Variants in HEPHL1 observed in about 807,000 individuals in gnomAD.
HEPHL1 encodes the protein ferroxidase HEPHL1.
A neutral mutation model predicts 122.0 loss-of-function variants in HEPHL1; 123 were observed. The ratio of observed to expected loss-of-function variants is 1.01; its 90% CI spans 0.87 to 1.17. HEPHL1 has a LOEUF of 1.17. Among genes scored for constraint, HEPHL1 ranks in the 50% most tolerant of loss-of-function variants. The pLI, the probability that HEPHL1 is intolerant of heterozygous loss-of-function variation, is 0.00. For synonymous variants in HEPHL1, 527 were observed against 508.9 expected (o/e 1.04, Z -0.48); for missense variants, 1,452 against 1,430.5 (o/e 1.01, Z -0.24).
At position 94,029,399 on chromosome 11, in the gene HEPHL1, C is replaced by A. The variant is rs367996388; in HGVS notation, c.170+7861C>A. On this transcript the variant is annotated intron_variant, in intron 1 of 19. Coordinates refer to ENST00000315765, the MANE Select transcript of HEPHL1 (RefSeq NM_001098672.2). ...TCCACTCACAGCCAATTTGCCAGAA[C>A]ACTATGGCCCATCTAACTTGCAAAA... 1.1e-4 allele frequency among the ~76,000 whole-genome samples: 16 copies of A among 152,198 alleles called. No individual in the cohort carries two copies. In the East Asian group the frequency reaches 2.3e-3, roughly 22 times the overall value.
intron 1 of HEPHL1, among the ~76,000 whole-genome samples, chr11:94,042,967 G>A (rs367868956): frequency 1.3e-5 from 2 of 150,780 alleles, no homozygotes; most frequent in South Asian, 2.1e-4. Flanking sequence ...CTTTGGGAAA[G>A]GCTGGGATAG....
intron 13 of HEPHL1, 103 bp downstream of exon 13, chr11:94,093,743 C>T: frequency 3.0e-6 from 4 of 1,320,382 alleles, no homozygotes; most frequent in Non-Finnish European, 4.1e-6. Context: ...ATAGAAGAAA[C>T]AGAGTAGCTT....
Position 94,075,297 on chromosome 11 carries a change from C to T in HEPHL1, c.1628C>T (p.Ala543Val), listed in dbSNP as rs752727506. The change falls in exon 9 of 20, where the codon GCA becomes GTA. Residue 543 changes from alanine (A) to valine (V), a missense_variant. Transcript: ENST00000315765. ...PPCLTYLYFS[A>V]VDPIKDTSSG... ...TGTCTGACCTATCTTTACTTCTCAG[C>T]AGTTGATCCAATTAAGGACACCAGC... 33 of 1,613,436 alleles carry T rather than the reference C, an allele frequency of 2.0e-5. No homozygotes were observed. The highest frequency in any genetic ancestry group is 2.7e-5 in the Non-Finnish European group (32 of 1,179,656).
chr11:94,091,225 T>TG (rs1946261987), intron 12 of HEPHL1, among the ~76,000 whole-genome samples: 1 of 152,182 alleles, frequency 6.6e-6, no homozygotes, highest in East Asian at 1.9e-4. Context: ...TCAGCATCTC[T>TG]TGCACCATTC....
chr11:94,100,472 C>G (rs559117614), intron 13 of HEPHL1, among the ~76,000 whole-genome samples: 2 of 152,338 alleles, frequency 1.3e-5, no homozygotes, highest in South Asian at 4.1e-4. Flanking sequence ...GGCACCCAGC[C>G]TGGTTGCTTC....
At chr11:94,101,442 C>A in intron 14 of HEPHL1, 107 bp downstream of exon 14, 1 of 1,087,070 alleles carries the variant, frequency 9.2e-7, no homozygotes, top group Non-Finnish European at 1.3e-6. Context: ...CAATGTGTTT[C>A]AGCCATCATC....
At chr11:94,109,517 A>T (rs764880358) in intron 17 of HEPHL1, among the ~76,000 whole-genome samples, 1 of 151,852 alleles carries the variant, frequency 6.6e-6, no homozygotes, top group Middle Eastern at 3.2e-3. Flanking sequence ...AGGTTGAGGA[A>T]ATTTCCTTCT....
At position 94,112,625 on chromosome 11, in the gene HEPHL1, A is replaced by G. The variant is rs372624323; in HGVS notation, c.*731A>G. ...GTTTTTACAATATGTTTCTGTGGCA[A>G]TGTTTGTACTTTCAAAAATCAAGTA... is the stretch of plus-strand genomic sequence containing the variant. On this transcript the variant is annotated 3_prime_UTR_variant, in exon 20 of 20. Coordinates refer to ENST00000315765, the MANE Select transcript of HEPHL1 (RefSeq NM_001098672.2). 6.6e-6 allele frequency: 1 copy of G among 152,228 alleles called. No homozygotes were observed. The highest frequency in any genetic ancestry group is 1.9e-4 in the East Asian group (1 of 5,198). 9.4% of individuals were successfully genotyped at this position (152,228 alleles called of 1,614,324 possible). A position where few individuals can be genotyped will look rare whatever the true frequency, so the allele number is the denominator to read the frequency against.
At chr11:94,073,642 G>A (rs1032261264) in intron 8 of HEPHL1, among the ~76,000 whole-genome samples, 1 of 152,120 alleles carries the variant, frequency 6.6e-6, no homozygotes, top group Admixed American at 6.6e-5. Flanking sequence ...GGGATGGAGA[G>A]AATTTAGGAC....
At chr11:94,080,544 TCCATCTG>T (rs1218798000) in intron 9 of HEPHL1, among the ~76,000 whole-genome samples, 1 of 152,092 alleles carries the variant, frequency 6.6e-6, no homozygotes, top group Non-Finnish European at 1.5e-5. Flanking sequence ...TTGCAATCTA[TCCATCTG>T]ATGAAGGTCT....
At chr11:94,085,842 G>T in intron 10 of HEPHL1, 135 bp from the exon 11 acceptor site, 6 of 615,008 alleles carry the variant, frequency 9.8e-6, no homozygotes, top group South Asian at 4.3e-5. Context: ...ATTTTAAGTG[G>T]ATTCACCATG....
intron 12 of HEPHL1, among the ~76,000 whole-genome samples, chr11:94,089,937 G>T (rs759700008): frequency 2.0e-5 from 3 of 151,860 alleles, no homozygotes; most frequent in Non-Finnish European, 4.4e-5. Context: ...CTCGCCCCCT[G>T]CCACCATACT....
At chr11:94,034,428 G>C (rs1945703043) in intron 1 of HEPHL1, among the ~76,000 whole-genome samples, 1 of 152,190 alleles carries the variant, frequency 6.6e-6, no homozygotes, top group South Asian at 2.1e-4. Context: ...CTGAGTCACT[G>C]TATACTAATG....
chr11:94,070,407 G>A lies in HEPHL1; in HGVS notation c.1097G>A (p.Cys366Tyr). The A allele has an allele frequency of 1.2e-6, 2 of 1,601,900 alleles. No homozygotes were observed. The highest frequency in any genetic ancestry group is 2.2e-5 in the East Asian group (1 of 44,534). ...GMLGQYNVDN[C>Y]KSDIFYPKMK... ...CTGGGGCAATACAATGTTGATAACT[G>A]CAAAAGTGATATTTTCTACCCCAAG... is the stretch of plus-strand genomic sequence containing the variant. The change falls in exon 6 of 20, where the codon TGC (cysteine) becomes TAC (tyrosine). Residue 366 changes from cysteine (C) to tyrosine (Y), a missense_variant. Coordinates refer to ENST00000315765, the MANE Select transcript of HEPHL1 (RefSeq NM_001098672.2).
At chr11:94,068,435 G>A (rs1228215135) in intron 5 of HEPHL1, among the ~76,000 whole-genome samples, 1 of 152,104 alleles carries the variant, frequency 6.6e-6, no homozygotes, top group Non-Finnish European at 1.5e-5. Context: ...CTTCCTTCAT[G>A]TCCTATGATA....
Position 94,102,914 on chromosome 11 carries a change from G to A in HEPHL1, c.2576G>A (p.Gly859Glu), listed in dbSNP as rs1008895648. Residue 859 changes from glycine (G) to glutamate (E), a missense_variant and splice_region_variant, in exon 15 of 20, where the codon GGA becomes GAA. Gly to Glu is a moderately conservative substitution (Grantham distance 98, BLOSUM62 -2). Coordinates refer to ENST00000315765, the MANE Select transcript of HEPHL1 (RefSeq NM_001098672.2). ...ATTTTTTCCATTTCATTTATTACAG[G>A]AGAAGTAAAAACTTATAGATGGAAT... Reference protein sequence around the residue: ...KQFQVPMTKPGEVKTYRWNIP... With the variant: ...KQFQVPMTKPEEVKTYRWNIP... 3 of 1,501,276 alleles carry A rather than the reference G, an allele frequency of 2.0e-6. No individual in the cohort carries two copies. Among genetic ancestry groups the A allele is most frequent in the African/African-American group, 2.8e-5 (2 of 72,494 alleles). The allele number at this position is 1,501,276 out of a possible 1,614,324, so 93.0% of individuals were successfully genotyped here. A position where few individuals can be genotyped will look rare whatever the true frequency, so the allele number is the denominator to read the frequency against.
rs1380338036 is a variant in HEPHL1, at chr11:94,073,444, G to A, written c.1504+5G>A. On this transcript the variant is annotated splice_donor_5th_base_variant and intron_variant, in intron 8 of 19. Transcript: ENST00000315765. ...ATGCAGCCCCAAACCTAGATGGTAAGTCTCACTCTGGGCTTAGGGAGGAAA... is the reference window on the plus strand; with the variant it reads ...ATGCAGCCCCAAACCTAGATGGTAAATCTCACTCTGGGCTTAGGGAGGAAA... 5 of 1,552,234 alleles carry A rather than the reference G, an allele frequency of 3.2e-6. No homozygotes were observed. Among genetic ancestry groups the A allele is most frequent in the Admixed American group, 2.0e-5 (1 of 51,008 alleles).
chr11:94,063,472 T>C (rs1342751922), intron 2 of HEPHL1, 36 bp from the exon 3 acceptor site: 1 of 1,488,074 alleles, frequency 6.7e-7, no homozygotes, highest in South Asian at 1.2e-5. Context: ...GTTTTAACTA[T>C]GTTTTACCTT....
chr11:94,036,263 A>C (rs1190911988), intron 1 of HEPHL1, among the ~76,000 whole-genome samples: 1 of 152,120 alleles, frequency 6.6e-6, no homozygotes, highest in Non-Finnish European at 1.5e-5. Flanking sequence ...GGTACAGTTA[A>C]AGGCTGAACC....
Sources: allele counts gnomAD v4.1 joint callset (sites outside exome capture counted in the v4.1 genomes callset), GRCh38; gene constraint gnomAD v4.1.1; transcripts MANE v1.5; gene names NCBI Gene and HGNC (gene_info 2026-07-23, HGNC 2026-07-21).